The following NUAK1 variants were observed in gnomAD, a reference collection of about 807,000 sequenced individuals.
NUAK1 encodes the protein NUAK family SNF1-like kinase 1.
NUAK1 carries 26 observed loss-of-function variants against 56.9 expected under a neutral mutation model. The observed-to-expected ratio is 0.46, with a 90% CI of 0.33 to 0.63. NUAK1 has a LOEUF of 0.63. NUAK1 is among the 30% of genes least tolerant of loss of function. The pLI is 0.02. For missense variants in NUAK1, 727 were observed against 876.1 expected (o/e 0.83, Z 2.15); for synonymous variants, 337 against 336.0 (o/e 1.00, Z -0.03).
Position 106,106,455 on chromosome 12 carries a change from A to G in NUAK1, c.311T>C (p.Ile104Thr), listed in dbSNP as rs551240873. The part of the protein sequence containing the change: ...EQDMVHIRRE[I>T]EIMSSLNHPH... ...ATGGTTGAGAGATGACATGATCTCA[A>G]TCTCTCGTCTGATGTGAACCATGTC... Residue 104 changes from isoleucine (I) to threonine (T), a missense_variant, in exon 2 of 7, where the codon ATT becomes ACT. Coordinates refer to ENST00000261402, the MANE Select transcript of NUAK1 (RefSeq NM_014840.3). 4 of 1,613,158 alleles carry G rather than the reference A, an allele frequency of 2.5e-6. No individual in the cohort carries two copies. The highest frequency in any genetic ancestry group is 3.4e-6 in the Non-Finnish European group (4 of 1,179,676).
At chr12:106,089,195 G>T (rs1190882494) in intron 2 of NUAK1, among the ~76,000 whole-genome samples, 1 of 152,266 alleles carries the variant, frequency 6.6e-6, no homozygotes, top group East Asian at 1.9e-4. Flanking sequence ...TTAAAAAGGA[G>T]GGATGTAGGA....
In NUAK1 at chr12:106,086,876, T is replaced by C; in HGVS notation, c.371A>G (p.Asn124Ser). Residue 124 changes from asparagine to serine, a missense_variant, in exon 3 of 7, where the codon AAC (asparagine) becomes AGC (serine). Coordinates refer to ENST00000261402, the MANE Select transcript of NUAK1 (RefSeq NM_014840.3). Reference sequence around the variant, plus strand: ...CATGATGATCACAATCTTATCTTTGTTCTCAAACACTGCAGAGGGAAAACA... The same window carrying C: ...CATGATGATCACAATCTTATCTTTGCTCTCAAACACTGCAGAGGGAAAACA... ...HIISIYEVFE[N>S]KDKIVIIMEY... The C allele has an allele frequency of 6.2e-7, 1 of 1,613,504 alleles. No homozygotes were observed. The highest frequency in any genetic ancestry group is 2.2e-5 in the East Asian group (1 of 44,858).
At chr12:106,073,439 C>T (rs2032427091) in intron 4 of NUAK1, among the ~76,000 whole-genome samples, 1 of 152,138 alleles carries the variant, frequency 6.6e-6, no homozygotes, top group African/African-American at 2.4e-5. Flanking sequence ...ATATTTCAGT[C>T]CCAACTCTGC....
chr12:106,091,959 G>A (rs2032639379), intron 2 of NUAK1, among the ~76,000 whole-genome samples: 1 of 152,118 alleles, frequency 6.6e-6, no homozygotes, highest in South Asian at 2.1e-4. Context: ...ACTTTGGAAG[G>A]CCGAGATGGG....
At chr12:106,095,326 G>T (rs1290273278) in intron 2 of NUAK1, among the ~76,000 whole-genome samples, 2 of 152,206 alleles carry the variant, frequency 1.3e-5, no homozygotes, top group Non-Finnish European at 2.9e-5. Context: ...CAGTGATGGG[G>T]GTAGAAATAC....
chr12:106,080,483 A>G (rs1238491914), intron 4 of NUAK1, among the ~76,000 whole-genome samples: 1 of 152,234 alleles, frequency 6.6e-6, no homozygotes, highest in African/African-American at 2.4e-5. Context: ...TTTAGTAGAC[A>G]TGCTTCCAGA....
chr12:106,106,344 G>C, intron 2 of NUAK1, 61 bp downstream of exon 2: 1 of 1,458,366 alleles, frequency 6.9e-7, no homozygotes. Context: ...AGTCTTGGCA[G>C]GCCCCATGGT....
chr12:106,066,412 A>T lies in NUAK1; in HGVS notation c.*390T>A. On this transcript the variant is annotated 3_prime_UTR_variant, in exon 7 of 7. Coordinates refer to ENST00000261402, the MANE Select transcript of NUAK1 (RefSeq NM_014840.3). The stretch of plus-strand genomic sequence containing the variant: ...GAAAAGGGGCAAGTTCTTTGGGCTC[A>T]CCCAAGGCAAACAGCCCAAGTGTCT... 1.0e-5 allele frequency: 2 copies of T among 192,472 alleles called. No homozygotes were observed. The highest frequency in any genetic ancestry group is 2.3e-5 in the African/African-American group (1 of 42,932). 11.9% of individuals were successfully genotyped at this position (192,472 alleles called of 1,614,324 possible). A position where few individuals can be genotyped will look rare whatever the true frequency, so the allele number is the denominator to read the frequency against.
At chr12:106,117,554 G>A (rs1028489307) in intron 1 of NUAK1, among the ~76,000 whole-genome samples, 6 of 152,212 alleles carry the variant, frequency 3.9e-5, no homozygotes, top group Non-Finnish European at 7.3e-5. Flanking sequence ...ACCGGTACTA[G>A]TTGAAATGCA....
Position 106,066,744 on chromosome 12 carries a change from C to A in NUAK1, c.*58G>T. ...CAAAGAGGTAACCAGCCTGTGAGCC[C>A]AAGTCTTGCTCCCCTTCCTCCCTCG... On this transcript the variant is annotated 3_prime_UTR_variant, in exon 7 of 7. Transcript: ENST00000261402. 1 of 1,371,112 alleles carries A rather than the reference C, an allele frequency of 7.3e-7. No individual in the cohort carries two copies. The highest frequency in any genetic ancestry group is 1.3e-5 in the South Asian group (1 of 76,706). The allele number at this position is 1,371,112 out of a possible 1,614,324, so 84.9% of individuals were successfully genotyped here.
intron 3 of NUAK1, among the ~76,000 whole-genome samples, chr12:106,085,887 T>A (rs1349140341): frequency 2.6e-5 from 4 of 151,934 alleles, no homozygotes; most frequent in African/African-American, 9.7e-5. Context: ...TTAAAAAAAA[T>A]TTTAAAGATG....
intron 2 of NUAK1, among the ~76,000 whole-genome samples, chr12:106,095,920 T>C (rs1565922841): frequency 6.6e-6 from 1 of 152,116 alleles, no homozygotes; most frequent in African/African-American, 2.4e-5. Flanking sequence ...CTGTCAGAAG[T>C]CATGGTGGGG....
Position 106,138,615 on chromosome 12 carries a change from G to C in NUAK1, c.39C>G (p.Pro13=). Reference sequence around the variant, plus strand: ...AGCCCGGCGCCCCCAGCCCCAAGTCGGGGCGGTCCCCCGCCACAGGCGCGG... The same window carrying C: ...AGCCCGGCGCCCCCAGCCCCAAGTCCGGGCGGTCCCCCGCCACAGGCGCGG... The part of the protein sequence containing the change: ...GAAAPVAGDR[P]DLGLGAPGSP... Residue 13 remains proline (P), a synonymous_variant, in exon 1 of 7, where the codon CCC becomes CCG. Transcript: ENST00000261402. The surrounding 1 kb of genome is among the most constrained non-coding windows in gnomAD (Gnocchi z 5.0). 2 of 1,528,736 alleles carry C rather than the reference G, an allele frequency of 1.3e-6. No homozygotes were observed. The highest frequency in any genetic ancestry group is 1.7e-6 in the Non-Finnish European group (2 of 1,143,952). 94.7% of individuals were successfully genotyped at this position (1,528,736 alleles called of 1,614,324 possible).
intron 1 of NUAK1, among the ~76,000 whole-genome samples, chr12:106,128,888 T>TG (rs768493326): frequency 8.5e-5 from 13 of 152,202 alleles, no homozygotes; most frequent in Non-Finnish European, 1.9e-4. Context: ...TGATGGTGTT[T>TG]TTTCAAGACA....
Position 106,066,622 on chromosome 12 carries a change from G to A in NUAK1, c.*180C>T. 1.6e-6 allele frequency: 1 copy of A among 643,832 alleles called. No individual in the cohort carries two copies. The highest frequency in any genetic ancestry group is 2.7e-6 in the Non-Finnish European group (1 of 365,956). The allele number at this position is 643,832 out of a possible 1,614,324, so 39.9% of individuals were successfully genotyped here. On this transcript the variant is annotated 3_prime_UTR_variant, in exon 7 of 7. Coordinates refer to ENST00000261402, the MANE Select transcript of NUAK1 (RefSeq NM_014840.3). The stretch of plus-strand genomic sequence containing the variant: ...TGACTGACAATTGACAGAACTGGCA[G>A]AAGAGCCCACCTCTCCCTTTTAGGT...
chr12:106,084,682 T>C (rs1592851278), intron 3 of NUAK1, among the ~76,000 whole-genome samples: 1 of 150,612 alleles, frequency 6.6e-6, no homozygotes, highest in Non-Finnish European at 1.5e-5. Flanking sequence ...AAAGCAGTCA[T>C]CAGCCAATAG....
chr12:106,103,092 G>A (rs1396551598), intron 2 of NUAK1: 1 of 152,254 alleles, frequency 6.6e-6, no homozygotes, highest in Non-Finnish European at 1.5e-5. Flanking sequence ...TTCCGTTAAG[G>A]TTTGTCTCTG....
intron 1 of NUAK1, among the ~76,000 whole-genome samples, chr12:106,127,245 G>C (rs975780432): frequency 6.6e-6 from 1 of 152,072 alleles, no homozygotes; most frequent in African/African-American, 2.4e-5. Context: ...GATCACTGTG[G>C]CCTCCAACTC....
At chr12:106,108,134 T>A (rs1390692388) in intron 1 of NUAK1, among the ~76,000 whole-genome samples, 2 of 152,090 alleles carry the variant, frequency 1.3e-5, no homozygotes. Context: ...TGTTATTAAT[T>A]GATGCAAGCT....
Sources: gnomAD v4.1 joint callset for allele counts (sites outside exome capture counted in the v4.1 genomes callset) on GRCh38, gnomAD v4.1.1 for gene constraint, Gnocchi (gnomAD v3.1) non-coding constraint, MANE v1.5 for transcripts, NCBI Gene and HGNC (gene_info 2026-07-23, HGNC 2026-07-21) for gene names.